The following OTOGL variants were observed in gnomAD, a reference collection of about 807,000 sequenced individuals.
OTOGL encodes otogelin-like protein.
A neutral mutation model predicts 318.5 loss-of-function variants in OTOGL; 285 were observed. That is an observed-to-expected ratio of 0.89 (90% CI 0.81 to 0.99). OTOGL has a LOEUF of 0.99. Ranked by LOEUF, OTOGL falls within the 50% of genes least tolerant of loss-of-function variation. The pLI is 0.00. For missense variants in OTOGL, 2,899 were observed against 2,845.6 expected, an observed-to-expected ratio of 1.02 and a Z score of -0.43; for synonymous variants, 987 against 936.5, an observed-to-expected ratio of 1.05 and a Z score of -0.99.
rs557039783 is a variant in OTOGL at position 80,152,414 on chromosome 12, A to C, written c.-20+52809A>C. Among the ~76,000 whole-genome samples, 8 of 152,294 alleles carry C rather than the reference A, an allele frequency of 5.3e-5. No individual in the cohort carries two copies. In the South Asian group the frequency reaches 1.7e-3, roughly 32 times the overall value. ...GAAGATGCTGAGATCTTCCCTCCCA[A>C]ATTTCAGCTCGAAGCTGAAAGGTCA... is the stretch of plus-strand genomic sequence containing the variant. On this transcript the variant is annotated intron_variant, in intron 1 of 58. Coordinates refer to ENST00000547103, the MANE Select transcript of OTOGL (RefSeq NM_001378609.3).
At chr12:80,356,962 A>AC in intron 49 of OTOGL, 48 bp downstream of exon 49, 2 of 1,092,652 alleles carry the variant, frequency 1.8e-6, no homozygotes, top group South Asian at 1.9e-5. Flanking sequence ...AGGATCTAGG[A>AC]AAAAAATCTC....
intron 40 of OTOGL, 73 bp from the exon 41 acceptor site, chr12:80,336,724 A>C (rs1888431157): frequency 1.4e-6 from 2 of 1,424,844 alleles, no homozygotes; most frequent in Admixed American, 2.2e-5. Context: ...ATCTATTTAG[A>C]GGCATATAAA....
Position 80,257,910 on chromosome 12 carries a change from G to T in OTOGL, c.1797G>T (p.Gly599=). 6.3e-7 allele frequency: 1 copy of T among 1,597,458 alleles called. No individual in the cohort carries two copies. Among genetic ancestry groups the T allele is most frequent in the South Asian group, 1.1e-5 (1 of 90,912 alleles). The change falls in exon 18 of 59, where the codon GGG becomes GGT. Residue 599 remains glycine, a synonymous_variant. Transcript: ENST00000547103. ...TAAAGATTCTGTTTGCTATAGATGG[G>T]GAAAGAATTTATATTCAGCTTACTA... ...FGLKILFAID[G]ERIYIQLTSA...
At chr12:80,188,721 C>T (rs1313080701) in intron 1 of OTOGL, among the ~76,000 whole-genome samples, 1 of 151,990 alleles carries the variant, frequency 6.6e-6, no homozygotes, top group African/African-American at 2.4e-5. Flanking sequence ...CAAGCAGCAC[C>T]TCACTAGAGC....
At chr12:80,343,078 G>T (rs754654259) in intron 44 of OTOGL, among the ~76,000 whole-genome samples, 62 of 152,100 alleles carry the variant, frequency 4.1e-4, no homozygotes, top group Admixed American at 1.4e-3. Flanking sequence ...ATTTCACCGT[G>T]TTAGCCAGGA....
chr12:80,103,443 C>A (rs1042081359), intron 1 of OTOGL: 2 of 608,506 alleles, frequency 3.3e-6, no homozygotes, highest in Non-Finnish European at 5.8e-6. Context: ...AGAATGTTGT[C>A]CCTTCTCTTC....
intron 10 of OTOGL, 64 bp downstream of exon 10, chr12:80,239,042 TTAAC>T (rs1243936019): frequency 4.2e-5 from 61 of 1,460,228 alleles, no homozygotes; most frequent in Middle Eastern, 1.8e-4. Flanking sequence ...ATTTGTATAA[TTAAC>T]TAAGCATTTT....
chr12:80,251,831 C>T, intron 12 of OTOGL, 32 bp downstream of exon 12: 4 of 1,530,000 alleles, frequency 2.6e-6, no homozygotes, highest in Non-Finnish European at 3.5e-6. Flanking sequence ...GCCCTGTGTA[C>T]TTTTGCCAAT....
chr12:80,153,197 A>G (rs1328245408), intron 1 of OTOGL, among the ~76,000 whole-genome samples: 1 of 152,174 alleles, frequency 6.6e-6, no homozygotes, highest in Admixed American at 6.5e-5. Flanking sequence ...GAAGTTCAAG[A>G]GTAACACACC....
At chr12:80,334,549 G>A (rs1888277577) in intron 38 of OTOGL, among the ~76,000 whole-genome samples, 1 of 152,056 alleles carries the variant, frequency 6.6e-6, no homozygotes, top group Admixed American at 6.6e-5. Flanking sequence ...AGATAGAGAA[G>A]TGAAAAGGGC....
At chr12:80,365,806 G>A (rs1327276915) in intron 52 of OTOGL, among the ~76,000 whole-genome samples, 4 of 152,076 alleles carry the variant, frequency 2.6e-5, no homozygotes, top group African/African-American at 7.2e-5. Context: ...ATTTATTTAT[G>A]TCAAGAATAA....
rs761566244 is a variant in OTOGL at position 80,265,094 on chromosome 12, G to A, written c.2108G>A (p.Arg703His). ...ISPGLYYQLC[R>H]HDACKCGSSC... is the part of the protein sequence containing the mutation. Reference sequence around the variant, plus strand: ...CCTGGGCTGTACTATCAGCTATGCCGCCACGATGCATGCAAGTGTGGAAGC... The same window carrying A: ...CCTGGGCTGTACTATCAGCTATGCCACCACGATGCATGCAAGTGTGGAAGC... Residue 703 changes from arginine to histidine, a missense_variant, in exon 20 of 59, where the codon CGC (arginine) becomes CAC (histidine). Physicochemically the swap from Arg to His is conservative, Grantham distance 29 (BLOSUM62 0). This residue lies in a region of OTOGL where 2,607 missense variants were observed against 2,524.9 expected (regional missense o/e 1.03). Coordinates refer to ENST00000547103, the MANE Select transcript of OTOGL (RefSeq NM_001378609.3). 2.4e-5 allele frequency: 38 copies of A among 1,613,804 alleles called. No individual in the cohort carries two copies. The highest frequency in any genetic ancestry group is 2.1e-4 in the South Asian group (19 of 91,080).
At chr12:80,166,246 CTTTCTTTG>C (rs1873825189) in intron 1 of OTOGL, among the ~76,000 whole-genome samples, 1 of 148,580 alleles carries the variant, frequency 6.7e-6, no homozygotes, top group Non-Finnish European at 1.5e-5. Context: ...TTCTTTCATT[CTTTCTTTG>C]TTTCTACATA....
intron 26 of OTOGL, among the ~76,000 whole-genome samples, chr12:80,288,528 C>G (rs894170838): frequency 1.4e-4 from 21 of 152,062 alleles, no homozygotes; most frequent in African/African-American, 1.9e-4. Flanking sequence ...TCACTTTCAG[C>G]TACACCAATC....
intron 1 of OTOGL, among the ~76,000 whole-genome samples, chr12:80,119,762 AT>A (rs947668323): frequency 1.3e-5 from 2 of 152,120 alleles, no homozygotes; most frequent in Admixed American, 6.5e-5. Context: ...CTTTAATACA[AT>A]TTTTTTGTAC....
chr12:80,174,266 C>T (rs1874388902), intron 1 of OTOGL, among the ~76,000 whole-genome samples: 1 of 152,076 alleles, frequency 6.6e-6, no homozygotes, highest in African/African-American at 2.4e-5. Context: ...CAGGGTTAGT[C>T]TAAATTACAG....
At chr12:80,116,614 A>T (rs936901977) in intron 1 of OTOGL, among the ~76,000 whole-genome samples, 2 of 152,184 alleles carry the variant, frequency 1.3e-5, no homozygotes, top group African/African-American at 4.8e-5. Flanking sequence ...CCCAGAAAAC[A>T]AAAAGTGAGG....
intron 1 of OTOGL, among the ~76,000 whole-genome samples, chr12:80,157,213 T>C (rs951942517): frequency 1.8e-4 from 27 of 152,200 alleles, no homozygotes; most frequent in Non-Finnish European, 3.2e-4. Context: ...CCTTTTCATA[T>C]GTCTGCTTGC....
intron 1 of OTOGL, among the ~76,000 whole-genome samples, chr12:80,171,214 C>A (rs1248416632): frequency 6.6e-6 from 1 of 152,030 alleles, no homozygotes; most frequent in African/African-American, 2.4e-5. Flanking sequence ...ATGGGACTTA[C>A]AAGAATGCAC....
Sources: gnomAD v4.1 joint callset for allele counts (sites outside exome capture counted in the v4.1 genomes callset) on GRCh38, gnomAD v4.1.1 for gene constraint, gnomAD v4.1.1 regional missense constraint, MANE v1.5 for transcripts, NCBI Gene and HGNC (gene_info 2026-07-23, HGNC 2026-07-21) for gene names.